Variants in LRP1B observed in about 807,000 individuals in gnomAD.
The protein encoded by LRP1B is low-density lipoprotein receptor-related protein 1B.
In LRP1B, 217 loss-of-function variants were observed where a neutral mutation model predicts 556.6. That is an observed-to-expected ratio of 0.39 (90% CI 0.35 to 0.44). LRP1B has a LOEUF of 0.44. LRP1B is among the 20% of genes least tolerant of loss of function. The pLI, the probability that LRP1B is intolerant of heterozygous loss-of-function variation, is 1.00. For missense variants in LRP1B, 5,053 were observed against 5,620.8 expected (o/e 0.90, Z 3.23); for synonymous variants, 2,047 against 1,865.8 (o/e 1.10, Z -2.50).
At chr2:140,976,350 G>A (rs779880002) in intron 18 of LRP1B, among the ~76,000 whole-genome samples, 3 of 151,632 alleles carry the variant, frequency 2.0e-5, no homozygotes, top group Non-Finnish European at 4.4e-5. Context: ...AAGATTACAA[G>A]AGCATTTACA....
chr2:142,098,624 G>A (rs1297451155), intron 1 of LRP1B, among the ~76,000 whole-genome samples: 1 of 151,692 alleles, frequency 6.6e-6, no homozygotes, highest in Non-Finnish European at 1.5e-5. Context: ...TAAGAAGTCT[G>A]ATTTCATTGT....
chr2:141,042,418 A>G (rs1698729196), intron 11 of LRP1B, among the ~76,000 whole-genome samples: 1 of 152,086 alleles, frequency 6.6e-6, no homozygotes, highest in African/African-American at 2.4e-5. Context: ...AAACAAAATT[A>G]CAGATACTCT....
intron 7 of LRP1B, among the ~76,000 whole-genome samples, chr2:141,177,863 T>C (rs753541765): frequency 2.0e-4 from 31 of 152,090 alleles, no homozygotes; most frequent in Admixed American, 1.2e-3. Context: ...TTAAATAGAG[T>C]TAGCCTTCAG....
chr2:142,076,637 T>A (rs1483578926), intron 1 of LRP1B, among the ~76,000 whole-genome samples: 1 of 152,076 alleles, frequency 6.6e-6, no homozygotes, highest in Non-Finnish European at 1.5e-5. Context: ...TTTAAATAGC[T>A]GCTTCTTCTT....
At chr2:140,515,693 G>A (rs1192017622) in intron 50 of LRP1B, among the ~76,000 whole-genome samples, 1 of 151,982 alleles carries the variant, frequency 6.6e-6, no homozygotes, top group East Asian at 1.9e-4. Flanking sequence ...AAGAAGATAT[G>A]ATCAGATAAT....
chr2:140,319,170 G>C (rs1360079494), intron 82 of LRP1B, among the ~76,000 whole-genome samples: 2 of 152,074 alleles, frequency 1.3e-5, no homozygotes, highest in African/African-American at 2.4e-5. Flanking sequence ...GGAGGATTAT[G>C]TAGAAGAGGT....
At chr2:141,109,376 C>T (rs1700692061) in intron 7 of LRP1B, among the ~76,000 whole-genome samples, 1 of 152,078 alleles carries the variant, frequency 6.6e-6, no homozygotes, top group African/African-American at 2.4e-5. Flanking sequence ...GGGAAGTAAG[C>T]AAGATGAACC....
intron 67 of LRP1B, among the ~76,000 whole-genome samples, chr2:140,381,062 G>A (rs1251875127): frequency 2.0e-5 from 3 of 151,932 alleles, no homozygotes; most frequent in Non-Finnish European, 4.4e-5. Flanking sequence ...ATACCATCAA[G>A]GAATAGGGTA....
intron 20 of LRP1B, among the ~76,000 whole-genome samples, chr2:140,941,391 G>C (rs1218391892): frequency 1.3e-5 from 2 of 152,102 alleles, no homozygotes; most frequent in Non-Finnish European, 2.9e-5. Context: ...GGGCAACACA[G>C]GTACCATGGG....
chr2:140,965,255 C>A (rs716001), intron 18 of LRP1B, among the ~76,000 whole-genome samples: 56,087 of 151,856 alleles, frequency 0.37, 10,658 homozygotes, highest in East Asian at 0.52. Context: ...GAGTCTTTGT[C>A]AATACTTAAG....
At position 140,358,087 on chromosome 2, in the gene LRP1B, T is replaced by C. The variant is rs541843507; in HGVS notation, c.11287A>G (p.Lys3763Glu). Residue 3763 changes from lysine to glutamate, a missense_variant, in exon 74 of 91, where the codon AAA becomes GAA. This residue lies in a region of LRP1B where 599 missense variants were observed against 648.4 expected (regional missense o/e 0.92). Coordinates refer to ENST00000389484, the MANE Select transcript of LRP1B (RefSeq NM_018557.3). ...TTACTACAAGCAAACTCATCCTTTT[T>C]ACAAGGCCTTGCTTTATATGTCAGC... ...GKLTYKARPC[K>E]KDEFACSNKK... 6.2e-7 allele frequency: 1 copy of C among 1,611,282 alleles called. No homozygotes were observed. The highest frequency in any genetic ancestry group is 1.3e-5 in the African/African-American group (1 of 74,836).
At chr2:141,696,332 G>A (rs1691733036) in intron 2 of LRP1B, among the ~76,000 whole-genome samples, 1 of 151,872 alleles carries the variant, frequency 6.6e-6, no homozygotes, top group South Asian at 2.1e-4. Flanking sequence ...AGAATCACAT[G>A]AAATCATCAA....
At chr2:141,695,774 G>A (rs1271717959) in intron 2 of LRP1B, among the ~76,000 whole-genome samples, 1 of 151,838 alleles carries the variant, frequency 6.6e-6, no homozygotes, top group East Asian at 1.9e-4. Context: ...AAAGCCCAGG[G>A]CCAAGTTTGG....
At chr2:141,861,415 T>G (rs567000346) in intron 1 of LRP1B, among the ~76,000 whole-genome samples, 10 of 152,294 alleles carry the variant, frequency 6.6e-5, no homozygotes, top group African/African-American at 2.2e-4. Flanking sequence ...ATTCCAGCAG[T>G]ACCCAGAACT....
intron 87 of LRP1B, among the ~76,000 whole-genome samples, chr2:140,242,384 C>A (rs1680984711): frequency 6.6e-6 from 1 of 151,090 alleles, no homozygotes; most frequent in Non-Finnish European, 1.5e-5. Flanking sequence ...TTTGAGGGCA[C>A]AATCTGTTTC....
chr2:141,679,607 C>T (rs555853944), intron 2 of LRP1B, among the ~76,000 whole-genome samples: 5 of 152,218 alleles, frequency 3.3e-5, no homozygotes, highest in Admixed American at 2.6e-4. Context: ...TCTAAAGAAA[C>T]ACTTTTATGT....
chr2:140,911,845 G>T (rs1466433797), intron 21 of LRP1B, among the ~76,000 whole-genome samples: 1 of 151,652 alleles, frequency 6.6e-6, no homozygotes, highest in Non-Finnish European at 1.5e-5. Context: ...ACTCCAAAAT[G>T]ACCTTAGAAT....
intron 43 of LRP1B, among the ~76,000 whole-genome samples, chr2:140,561,199 C>T (rs938033475): frequency 6.6e-6 from 1 of 152,158 alleles, no homozygotes; most frequent in Non-Finnish European, 1.5e-5. Context: ...TCCCACCTCT[C>T]TGTCTAGGAG....
intron 2 of LRP1B, among the ~76,000 whole-genome samples, chr2:141,696,124 T>G (rs1691727278): frequency 6.6e-6 from 1 of 151,946 alleles, no homozygotes. Flanking sequence ...TAGATACAAC[T>G]TCACTAATTT....
Sources: allele counts gnomAD v4.1 joint callset (sites outside exome capture counted in the v4.1 genomes callset), GRCh38; gene constraint gnomAD v4.1.1; regional missense constraint gnomAD v4.1.1; transcripts MANE v1.5; gene names NCBI Gene and HGNC (gene_info 2026-07-23, HGNC 2026-07-21).